MGMT: variants seen among roughly 807,000 people sequenced by gnomAD.
The protein encoded by MGMT is O-6-methylguanine-DNA methyltransferase.
MGMT carries 14 observed loss-of-function variants against 15.9 expected under a neutral mutation model. The observed-to-expected ratio is 0.88, with a 90% CI of 0.58 to 1.37. MGMT has a LOEUF of 1.37. MGMT is among the 40% of genes most tolerant of loss of function. The pLI is 0.00. For synonymous variants in MGMT, 130 were observed against 118.2 expected, an observed-to-expected ratio of 1.10 and a Z score of -0.65; for missense variants, 282 against 268.1, an observed-to-expected ratio of 1.05 and a Z score of -0.36.
chr10:129,532,011 A>G lies in MGMT; in HGVS notation c.-12-4230A>G, dbSNP rs936612402. Among the ~76,000 whole-genome samples the G allele has an allele frequency of 1.3e-5, 2 of 152,168 alleles. No individual in the cohort carries two copies. The highest frequency in any genetic ancestry group is 2.9e-5 in the Non-Finnish European group (2 of 68,032). ...TGAACTCATTCATTGTTGCAGTTAT[A>G]AACTGGTTGCCTTTTTTCGGTTCTT... On this transcript the variant is annotated intron_variant, in intron 1 of 4. Coordinates refer to ENST00000651593, the MANE Select transcript of MGMT (RefSeq NM_002412.5). The surrounding 1 kb of genome is among the most constrained non-coding windows in gnomAD (Gnocchi z 5.3).
chr10:129,647,630 C>A (rs552974709), intron 2 of MGMT, among the ~76,000 whole-genome samples: 1 of 152,278 alleles, frequency 6.6e-6, no homozygotes, highest in African/African-American at 2.4e-5. Context: ...GAACAATAAT[C>A]TTTGTAAATC....
intron 2 of MGMT, among the ~76,000 whole-genome samples, chr10:129,587,960 A>C (rs1361323908): frequency 1.3e-5 from 2 of 152,148 alleles, no homozygotes; most frequent in Non-Finnish European, 2.9e-5. Flanking sequence ...TTATTTAATA[A>C]ATATCCTTTA....
At chr10:129,737,593 G>A (rs1304252358) in intron 3 of MGMT, among the ~76,000 whole-genome samples, 1 of 152,200 alleles carries the variant, frequency 6.6e-6, no homozygotes, top group African/African-American at 2.4e-5. Flanking sequence ...TCCGTTGCTG[G>A]TGAGGAACTG....
intron 2 of MGMT, among the ~76,000 whole-genome samples, chr10:129,622,912 C>T (rs1454294357): frequency 2.0e-5 from 3 of 152,132 alleles, no homozygotes; most frequent in East Asian, 1.9e-4. Flanking sequence ...CATGGAGCCC[C>T]GTTTCGTTGG....
At chr10:129,601,152 C>T (rs1164080721) in intron 2 of MGMT, among the ~76,000 whole-genome samples, 2 of 151,406 alleles carry the variant, frequency 1.3e-5, no homozygotes, top group Admixed American at 1.3e-4. Flanking sequence ...GAGGCGTCAA[C>T]ATTTGAACCG....
intron 2 of MGMT, among the ~76,000 whole-genome samples, chr10:129,573,735 C>CA (rs1202561208): frequency 6.6e-6 from 1 of 152,140 alleles, no homozygotes; most frequent in East Asian, 1.9e-4. Flanking sequence ...ACAAGGACAA[C>CA]AAAAAAGTGC....
chr10:129,632,567 C>A (rs576869765), intron 2 of MGMT, among the ~76,000 whole-genome samples: 1 of 152,212 alleles, frequency 6.6e-6, no homozygotes, highest in Non-Finnish European at 1.5e-5. Flanking sequence ...ATTTATCCCA[C>A]AAATATTTAA....
At position 129,687,336 on chromosome 10, in the gene MGMT, G is replaced by A. The variant is rs115666103; in HGVS notation, c.126-20559G>A. 9.4e-3 allele frequency among the ~76,000 whole-genome samples: 1,436 copies of A among 152,122 alleles called. 20 individuals are homozygous for A. The highest frequency in any genetic ancestry group is 0.033 in the African/African-American group (1,353 of 41,500). ...ACAACGTAGCAGTCTCTCATAGCCCGACGTATCACCCAAAGTTCTTTGTCT... is the reference window on the plus strand; with the variant it reads ...ACAACGTAGCAGTCTCTCATAGCCCAACGTATCACCCAAAGTTCTTTGTCT... On this transcript the variant is annotated intron_variant, in intron 2 of 4. Transcript: ENST00000651593.
At chr10:129,573,312 A>T (rs953865023) in intron 2 of MGMT, among the ~76,000 whole-genome samples, 1 of 152,204 alleles carries the variant, frequency 6.6e-6, no homozygotes, top group Non-Finnish European at 1.5e-5. Context: ...CAATAATTTC[A>T]GATTTACAGA....
At chr10:129,661,016 T>G (rs1014730319) in intron 2 of MGMT, among the ~76,000 whole-genome samples, 6 of 152,230 alleles carry the variant, frequency 3.9e-5, no homozygotes, top group African/African-American at 1.4e-4. Flanking sequence ...GAATGCAACC[T>G]TATAAATCTG....
intron 1 of MGMT, among the ~76,000 whole-genome samples, chr10:129,522,071 AC>A (rs1360290650): frequency 1.5e-5 from 2 of 130,878 alleles, no homozygotes; most frequent in African/African-American, 6.4e-5. Context: ...GAACCACAGA[AC>A]CACAGAACGT....
intron 3 of MGMT, among the ~76,000 whole-genome samples, chr10:129,737,626 C>T (rs1300124003): frequency 8.5e-5 from 13 of 152,178 alleles, no homozygotes; most frequent in Non-Finnish European, 1.5e-4. Flanking sequence ...GGAGGAGAGG[C>T]GCTCTGCTTT....
chr10:129,591,195 C>T (rs971649184), intron 2 of MGMT, among the ~76,000 whole-genome samples: 7 of 152,198 alleles, frequency 4.6e-5, no homozygotes, highest in Middle Eastern at 3.4e-3. Context: ...GATGAGTGGC[C>T]GTGTTTCAAA....
chr10:129,562,340 A>G (rs751116463), intron 2 of MGMT, among the ~76,000 whole-genome samples: 2 of 152,212 alleles, frequency 1.3e-5, no homozygotes, highest in Non-Finnish European at 2.9e-5. Flanking sequence ...CTTTGGCTCC[A>G]TCCGGGGATT....
At chr10:129,698,591 G>A (rs1288749066) in intron 2 of MGMT, among the ~76,000 whole-genome samples, 1 of 152,188 alleles carries the variant, frequency 6.6e-6, no homozygotes, top group Admixed American at 6.5e-5. Flanking sequence ...AAGCAGCTCT[G>A]TTCACTGCCG....
intron 2 of MGMT, among the ~76,000 whole-genome samples, chr10:129,604,559 A>G (rs964141434): frequency 6.6e-6 from 1 of 152,174 alleles, no homozygotes; most frequent in African/African-American, 2.4e-5. Context: ...TGGGGCTGTC[A>G]GAAGCCATTT....
intron 2 of MGMT, among the ~76,000 whole-genome samples, chr10:129,670,329 C>A (rs562107059): frequency 2.0e-4 from 30 of 152,250 alleles, no homozygotes; most frequent in African/African-American, 7.2e-4. Flanking sequence ...GATTCCACTT[C>A]AGGTTGTACC....
At chr10:129,607,782 G>T (rs1846909687) in intron 2 of MGMT, among the ~76,000 whole-genome samples, 1 of 152,214 alleles carries the variant, frequency 6.6e-6, no homozygotes, top group African/African-American at 2.4e-5. Context: ...TGCAGAATTA[G>T]AAATATATCT....
chr10:129,546,177 TG>T, intron 2 of MGMT, among the ~76,000 whole-genome samples: 1 of 152,322 alleles, frequency 6.6e-6, no homozygotes. Context: ...AGGCCCTGCA[TG>T]GGGTGGGGAG....
Sources: gnomAD v4.1 joint callset for allele counts (sites outside exome capture counted in the v4.1 genomes callset) on GRCh38, gnomAD v4.1.1 for gene constraint, Gnocchi (gnomAD v3.1) non-coding constraint, MANE v1.5 for transcripts, NCBI Gene and HGNC (gene_info 2026-07-23, HGNC 2026-07-21) for gene names.